The following CLUAP1 variants were observed in gnomAD, a reference collection of about 807,000 sequenced individuals.
CLUAP1 encodes intraflagellar transport 38.
Under a neutral mutation model 55.0 loss-of-function variants are expected in CLUAP1, and 50 were observed. The observed-to-expected ratio is 0.91, with a 90% CI of 0.72 to 1.15. The LOEUF (loss-of-function observed/expected upper bound fraction) is 1.15. Ranked by LOEUF, CLUAP1 falls within the 50% of genes most tolerant of loss-of-function variation. CLUAP1 has a pLI of 0.00. For synonymous variants in CLUAP1, 195 were observed against 175.4 expected (o/e 1.11, Z -0.88); for missense variants, 530 against 507.6 (o/e 1.04, Z -0.42).
chr16:3,535,982 T>C, intron 11 of CLUAP1, 140 bp from the exon 12 acceptor site: 2 of 930,938 alleles, frequency 2.1e-6, no homozygotes, highest in South Asian at 3.4e-5. Flanking sequence ...CTGTATGCCC[T>C]CCCACAGCCT....
At chr16:3,510,734 T>C (rs999311678) in intron 4 of CLUAP1, among the ~76,000 whole-genome samples, 5 of 152,242 alleles carry the variant, frequency 3.3e-5, no homozygotes, top group African/African-American at 1.2e-4. Context: ...TGGCCACATG[T>C]GGCTATTGGT....
intron 5 of CLUAP1, among the ~76,000 whole-genome samples, chr16:3,513,856 C>T (rs1411674104): frequency 3.9e-5 from 6 of 152,160 alleles, no homozygotes; most frequent in African/African-American, 1.4e-4. Flanking sequence ...CATTCACTTC[C>T]TAGCAAGAGT....
At chr16:3,520,120 C>CT in intron 7 of CLUAP1, 84 bp downstream of exon 7, 11 of 1,350,390 alleles carry the variant, frequency 8.1e-6, no homozygotes, top group Non-Finnish European at 1.0e-5. Flanking sequence ...TGTCTGAAAT[C>CT]TCAGCTACTC....
chr16:3,531,597 G>C (rs1206392547), intron 10 of CLUAP1, among the ~76,000 whole-genome samples: 1 of 152,124 alleles, frequency 6.6e-6, no homozygotes, highest in Non-Finnish European at 1.5e-5. Context: ...TTCTCTCCTG[G>C]GGTCTTCCTC....
chr16:3,508,156 C>CT (rs1404645042), intron 3 of CLUAP1, 133 bp from the exon 4 acceptor site: 4 of 721,440 alleles, frequency 5.5e-6, no homozygotes, highest in Non-Finnish European at 9.0e-6. Context: ...GTTTGAGTCA[C>CT]TTGAATGCTT....
intron 11 of CLUAP1, chr16:3,534,348 T>G (rs536180668): frequency 8.5e-5 from 13 of 153,000 alleles, no homozygotes; most frequent in African/African-American, 2.9e-4. Flanking sequence ...TGGCGGCACC[T>G]GGGCATGTGG....
intron 9 of CLUAP1, among the ~76,000 whole-genome samples, chr16:3,529,683 AT>A (rs58520650): frequency 3.2e-4 from 2 of 6,222 alleles, no homozygotes; most frequent in African/African-American, 2.1e-3. Flanking sequence ...TATATTATAT[AT>A]TATTATATAT....
intron 3 of CLUAP1, among the ~76,000 whole-genome samples, chr16:3,507,320 A>G (rs533617654): frequency 1.3e-5 from 2 of 152,198 alleles, no homozygotes; most frequent in East Asian, 1.9e-4. Context: ...TGGCAGGCCA[A>G]GGTGGGAGGA....
At chr16:3,517,375 C>CAG (rs2037748725) in intron 6 of CLUAP1, among the ~76,000 whole-genome samples, 1 of 152,112 alleles carries the variant, frequency 6.6e-6, no homozygotes, top group African/African-American at 2.4e-5. Context: ...AGCGCCATCT[C>CAG]AGCTCACTGC....
upstream of CLUAP1, chr16:3,496,490 G>GC (rs2151033872): frequency 1.4e-6 from 1 of 696,970 alleles, no homozygotes; most frequent in South Asian, 1.4e-5. Flanking sequence ...TTCAGGAGGT[G>GC]CCCAAACTTA....
intron 6 of CLUAP1, among the ~76,000 whole-genome samples, chr16:3,516,521 A>G (rs1353019336): frequency 3.3e-5 from 5 of 152,182 alleles, no homozygotes; most frequent in Non-Finnish European, 7.3e-5. Context: ...TAATGGAGCC[A>G]CGTTCCTCAC....
chr16:3,524,460 G>A (rs1263002159), intron 8 of CLUAP1, among the ~76,000 whole-genome samples: 1 of 151,740 alleles, frequency 6.6e-6, no homozygotes, highest in Non-Finnish European at 1.5e-5. Context: ...TATCTGGTAT[G>A]GTGGCGGGCA....
chr16:3,512,443 C>G lies in CLUAP1; in HGVS notation c.460C>G (p.Leu154Val), dbSNP rs2037647015. ...ASEITSKGAS[L>V]YDLLGMEVEL... ...TGAAATCACCTCCAAAGGAGCATCT[C>G]TGTATGACTTGCTCGGCATGGAAGT... Residue 154 changes from leucine (L) to valine (V), a missense_variant, in exon 5 of 12, where the codon CTG becomes GTG. Transcript: ENST00000576634. 5.0e-6 allele frequency: 8 copies of G among 1,614,096 alleles called. No individual in the cohort carries two copies. The highest frequency in any genetic ancestry group is 6.8e-6 in the Non-Finnish European group (8 of 1,179,956).
intron 10 of CLUAP1, among the ~76,000 whole-genome samples, chr16:3,531,746 A>G (rs979065171): frequency 6.6e-6 from 1 of 152,216 alleles, no homozygotes; most frequent in Non-Finnish European, 1.5e-5. Context: ...CCTGAGTGCA[A>G]CCAGACGGTA....
chr16:3,500,906 T>A, upstream of CLUAP1: 3 of 736,262 alleles, frequency 4.1e-6, no homozygotes, highest in South Asian at 5.2e-5. Flanking sequence ...GCTCTCCCCG[T>A]GCGTATGCAC....
At chr16:3,520,638 T>A (rs943208214) in intron 7 of CLUAP1, among the ~76,000 whole-genome samples, 1 of 152,142 alleles carries the variant, frequency 6.6e-6, no homozygotes, top group Non-Finnish European at 1.5e-5. Flanking sequence ...AGTAAGTGAA[T>A]CCAGACGGGG....
upstream of CLUAP1, among the ~76,000 whole-genome samples, chr16:3,496,924 G>A (rs1203471544): frequency 6.7e-6 from 1 of 148,958 alleles, no homozygotes; most frequent in Non-Finnish European, 1.5e-5. Flanking sequence ...AGGCTGGAGT[G>A]CAGTGGCGCG....
intron 3 of CLUAP1, among the ~76,000 whole-genome samples, chr16:3,507,756 A>G (rs1043263898): frequency 6.6e-6 from 1 of 151,226 alleles, no homozygotes; most frequent in African/African-American, 2.4e-5. Flanking sequence ...TTTTACACAA[A>G]TGGTACTGTA....
upstream of CLUAP1, among the ~76,000 whole-genome samples, chr16:3,497,924 T>C (rs1042877919): frequency 2.0e-5 from 3 of 152,190 alleles, no homozygotes; most frequent in Non-Finnish European, 2.9e-5. Context: ...CCCAAAGTGC[T>C]GGGGTGATAG....
Sources: allele counts gnomAD v4.1 joint callset (sites outside exome capture counted in the v4.1 genomes callset), GRCh38; gene constraint gnomAD v4.1.1; transcripts MANE v1.5; gene names NCBI Gene and HGNC (gene_info 2026-07-23, HGNC 2026-07-21).